ZP1: variants seen among roughly 807,000 people sequenced by gnomAD.
ZP1 encodes zona pellucida sperm-binding protein 1.
ZP1 carries 58 observed loss-of-function variants against 67.4 expected under a neutral mutation model. The ratio of observed to expected loss-of-function variants is 0.86; its 90% CI spans 0.70 to 1.07. The LOEUF is 1.07. Among genes scored for constraint, ZP1 ranks in the 50% least tolerant of loss-of-function variants. The pLI, the probability that ZP1 is intolerant of heterozygous loss-of-function variation, is 0.00. For missense variants in ZP1, 759 were observed against 807.3 expected, an observed-to-expected ratio of 0.94 and a Z score of 0.72; for synonymous variants, 333 against 332.7, an observed-to-expected ratio of 1.00 and a Z score of -0.01.
chr11:60,875,089 G>A (rs751194603), intron 10 of ZP1, 40 bp from the exon 11 acceptor site: 2 of 1,613,510 alleles, frequency 1.2e-6, no homozygotes, highest in Admixed American at 1.7e-5. Context: ...GGCCACAGGG[G>A]CAGGAGACCA....
chr11:60,875,286 C>T (rs1855681721), intron 11 of ZP1, 38 bp downstream of exon 11: 2 of 1,585,732 alleles, frequency 1.3e-6, no homozygotes, highest in South Asian at 1.1e-5. Context: ...AGGCCTTACC[C>T]ACTCTCAGCC....
intron 2 of ZP1, 70 bp from the exon 3 acceptor site, chr11:60,869,467 G>T: frequency 6.5e-7 from 1 of 1,538,752 alleles, no homozygotes; most frequent in Non-Finnish European, 8.8e-7. Context: ...CAGCTCTCGT[G>T]GGCCCGTCCC....
At chr11:60,875,342 G>A in intron 11 of ZP1, 94 bp downstream of exon 11, 1 of 1,534,056 alleles carries the variant, frequency 6.5e-7, no homozygotes, top group South Asian at 1.3e-5. Context: ...CCATAGCTGA[G>A]GGCAAGAGAT....
Position 60,873,670 on chromosome 11 carries a change from G to T in ZP1, c.1467G>T (p.Met489Ile), listed in dbSNP as rs1354008897. 6.2e-7 allele frequency: 1 copy of T among 1,614,062 alleles called. No individual in the cohort carries two copies. Among genetic ancestry groups the T allele is most frequent in the African/African-American group, 1.3e-5 (1 of 74,928 alleles). The change falls in exon 9 of 12, where the codon ATG becomes ATT. Residue 489 changes from methionine (M) to isoleucine (I), a missense_variant. Transcript: ENST00000278853. Reference sequence around the variant, plus strand: ...AGGGCGACAGCTACAGAACCCAAATGGTAGCCTTGGACGGGGCCACACCTT... The same window carrying T: ...AGGGCGACAGCTACAGAACCCAAATTGTAGCCTTGGACGGGGCCACACCTT... ...PFKGDSYRTQ[M>I]VALDGATPFQ...
Position 60,867,610 on chromosome 11 carries a change from C to T in ZP1, c.49C>T (p.Leu17=). ...TTWGYPVALL[L]LVATLGLGRW... ...CTGGGGTTACCCTGTGGCCCTGCTA[C>T]TGCTGGTTGCCACCCTGGGGCTGGG... The change falls in exon 1 of 12, where the codon CTG becomes TTG. Residue 17 remains leucine, a synonymous_variant. Coordinates refer to ENST00000278853, the MANE Select transcript of ZP1 (RefSeq NM_207341.4). 1 of 1,613,640 alleles carries T rather than the reference C, an allele frequency of 6.2e-7. No individual in the cohort carries two copies. The highest frequency in any genetic ancestry group is 8.5e-7 in the Non-Finnish European group (1 of 1,179,710).
intron 4 of ZP1, 192 bp from the exon 5 acceptor site, chr11:60,870,765 T>C: frequency 1.4e-6 from 1 of 724,516 alleles, no homozygotes; most frequent in Non-Finnish European, 2.3e-6. Flanking sequence ...TTTTAGAGTG[T>C]AGTTCAACTC....
intron 4 of ZP1, 167 bp from the exon 5 acceptor site, chr11:60,870,787 GGAT>G (rs1401162348): frequency 1.3e-6 from 1 of 786,422 alleles, no homozygotes; most frequent in African/African-American, 1.7e-5. Flanking sequence ...TTTGTCACAT[GGAT>G]GAGAAAATCA....
Position 60,873,158 on chromosome 11 carries a change from T to G in ZP1, c.1113-4T>G. On this transcript the variant is annotated splice_region_variant and splice_polypyrimidine_tract_variant and intron_variant, in intron 6 of 11. Transcript: ENST00000278853. The stretch of plus-strand genomic sequence containing the variant: ...TCCCCCACCCTCTTGCACGTGGACT[T>G]CAGGCTTCATGTGCGCTGTGTCTTC... The G allele has an allele frequency of 6.4e-7, 1 of 1,563,142 alleles. No individual in the cohort carries two copies.
chr11:60,873,151 G>T lies in ZP1; in HGVS notation c.1113-11G>T. The T allele has an allele frequency of 1.3e-6, 2 of 1,543,278 alleles. No homozygotes were observed. Among genetic ancestry groups the T allele is most frequent in the East Asian group, 4.5e-5 (2 of 44,166 alleles). On this transcript the variant is annotated splice_polypyrimidine_tract_variant and intron_variant, in intron 6 of 11. Transcript: ENST00000278853. ...TGTCTTCTCCCCCACCCTCTTGCAC[G>T]TGGACTTCAGGCTTCATGTGCGCTG...
rs749213646 is a variant in ZP1 at position 60,869,162 on chromosome 11, T to C, written c.214T>C (p.Phe72Leu). The change falls in exon 2 of 12, where the codon TTT (phenylalanine) becomes CTT (leucine). Residue 72 changes from phenylalanine (F) to leucine (L), a missense_variant. Coordinates refer to ENST00000278853, the MANE Select transcript of ZP1 (RefSeq NM_207341.4). ...FKVVDEFGNR[F>L]DVNNCSICYH... ...CACTGCAGATGAATTTGGGAACCGATTTGATGTCAACAACTGCTCCATCTG... is the reference window on the plus strand; with the variant it reads ...CACTGCAGATGAATTTGGGAACCGACTTGATGTCAACAACTGCTCCATCTG... 1 of 1,614,108 alleles carries C rather than the reference T, an allele frequency of 6.2e-7. No individual in the cohort carries two copies. Among genetic ancestry groups the C allele is most frequent in the Middle Eastern group, 1.6e-4 (1 of 6,062 alleles).
At chr11:60,872,167 C>G (rs770166656) in intron 6 of ZP1, among the ~76,000 whole-genome samples, 10 of 152,138 alleles carry the variant, frequency 6.6e-5, no homozygotes, top group Admixed American at 2.6e-4. Context: ...AAGTTCAAGA[C>G]TAGCCTGGGC....
Position 60,870,355 on chromosome 11 carries a change from T to C in ZP1, c.706T>C (p.Cys236Arg), listed in dbSNP as rs949993075. The change falls in exon 4 of 12, where the codon TGC becomes CGC. Residue 236 changes from cysteine to arginine, a missense_variant. Physicochemically the swap from Cys to Arg is radical, Grantham distance 180 (BLOSUM62 -3). Coordinates refer to ENST00000278853, the MANE Select transcript of ZP1 (RefSeq NM_207341.4). ...AGGTACCCACCTGAGCCAGGAGCAG[T>C]GCCAGGTGGCCTCAGGGCACCTCCC... The part of the protein sequence containing the change: ...YIGTHLSQEQ[C>R]QVASGHLPCI... 7 of 1,610,882 alleles carry C rather than the reference T, an allele frequency of 4.3e-6. No homozygotes were observed. The Admixed American group carries it at 5.0e-5, about 12-fold the overall frequency.
At position 60,871,147 on chromosome 11, in the gene ZP1, A is replaced by G. The variant is rs1565103324; in HGVS notation, c.1014+3A>G. On this transcript the variant is annotated splice_donor_region_variant and intron_variant, in intron 5 of 11. Transcript: ENST00000278853. ...CCCACTGTGGAACCACAATGCAGGTAGGAGCCGGGACCACAGGCTGGGGCC... is the reference window on the plus strand; with the variant it reads ...CCCACTGTGGAACCACAATGCAGGTGGGAGCCGGGACCACAGGCTGGGGCC... The G allele has an allele frequency of 3.1e-6, 5 of 1,613,876 alleles. No individual in the cohort carries two copies. Among genetic ancestry groups the G allele is most frequent in the Non-Finnish European group, 4.2e-6 (5 of 1,179,942 alleles).
In ZP1 at chr11:60,869,774, G is replaced by A. The variant is rs757923151; in HGVS notation, c.556G>A (p.Gly186Arg). 2 of 1,614,054 alleles carry A rather than the reference G, an allele frequency of 1.2e-6. No individual in the cohort carries two copies. The highest frequency in any genetic ancestry group is 1.1e-5 in the South Asian group (1 of 91,054). The change falls in exon 3 of 12, where the codon GGG becomes AGG. Residue 186 changes from glycine to arginine, a missense_variant. Coordinates refer to ENST00000278853, the MANE Select transcript of ZP1 (RefSeq NM_207341.4). ...GHAFPSPLDP[G>R]HSSVHPTPAL... ...TGCCTTTCCCAGCCCACTGGACCCA[G>A]GGCACAGCTCTGTCCACCCAACCCC...
At chr11:60,875,080 G>C in intron 10 of ZP1, 49 bp from the exon 11 acceptor site, 1 of 1,613,516 alleles carries the variant, frequency 6.2e-7, no homozygotes, top group African/African-American at 1.3e-5. Flanking sequence ...TGGCCTCTGG[G>C]CCACAGGGGC....
chr11:60,869,327 A>G lies in ZP1; in HGVS notation c.318+61A>G, dbSNP rs1855523354. On this transcript the variant is annotated intron_variant, in intron 2 of 11. Coordinates refer to ENST00000278853, the MANE Select transcript of ZP1 (RefSeq NM_207341.4). The stretch of plus-strand genomic sequence containing the variant: ...TTGTCCTAGTGTCATGTCAGGCTGA[A>G]GAGGCCCCTCATGAACCAGAAAGGA... 11 of 1,601,074 alleles carry G rather than the reference A, an allele frequency of 6.9e-6. No homozygotes were observed. The South Asian group carries it at 1.2e-4, about 18-fold the overall frequency.
intron 9 of ZP1, 118 bp downstream of exon 9, chr11:60,873,893 C>T: frequency 2.2e-6 from 3 of 1,370,398 alleles, no homozygotes; most frequent in East Asian, 2.4e-5. Flanking sequence ...TGGGGCTTGG[C>T]GTCTACCAGG....
In ZP1 at chr11:60,873,635, T is replaced by C. The variant is rs567563136; in HGVS notation, c.1432T>C (p.Cys478Arg). Residue 478 changes from cysteine to arginine, a missense_variant and splice_region_variant, in exon 9 of 12, where the codon TGC (cysteine) becomes CGC (arginine). Coordinates refer to ENST00000278853, the MANE Select transcript of ZP1 (RefSeq NM_207341.4). ...QPQWPILSDG[C>R]PFKGDSYRTQ... ...AGCCTCTCTGACTTCTCTTCTCAGATGCCCTTTCAAGGGCGACAGCTACAG... is the reference window on the plus strand; with the variant it reads ...AGCCTCTCTGACTTCTCTTCTCAGACGCCCTTTCAAGGGCGACAGCTACAG... The C allele has an allele frequency of 3.7e-6, 6 of 1,614,168 alleles. No individual in the cohort carries two copies. In the African/African-American group the frequency reaches 6.7e-5, roughly 18 times the overall value.
intron 1 of ZP1, 152 bp from the exon 2 acceptor site, chr11:60,868,993 G>C: frequency 1.2e-6 from 1 of 825,998 alleles, no homozygotes; most frequent in Middle Eastern, 3.6e-4. Flanking sequence ...GAGAGGGGAG[G>C]GGGCTTGCCC....
Sources: gnomAD v4.1 joint callset for allele counts (sites outside exome capture counted in the v4.1 genomes callset) on GRCh38, gnomAD v4.1.1 for gene constraint, MANE v1.5 for transcripts, NCBI Gene and HGNC (gene_info 2026-07-23, HGNC 2026-07-21) for gene names.